The following SDK1 variants were observed in gnomAD, a reference collection of about 807,000 sequenced individuals.
SDK1 encodes the protein sidekick cell adhesion molecule 1, also known as protein sidekick-1.
SDK1 carries 157 observed loss-of-function variants against 245.5 expected under a neutral mutation model. The observed-to-expected ratio is 0.64, with a 90% CI of 0.56 to 0.73. SDK1 has a LOEUF of 0.73. Among genes scored for constraint, SDK1 ranks in the 30% least tolerant of loss-of-function variants. The pLI is 0.00. For synonymous variants in SDK1, 1,647 were observed against 1,278.5 expected, an observed-to-expected ratio of 1.29 and a Z score of -6.15; for missense variants, 3,583 against 3,002.3, an observed-to-expected ratio of 1.19 and a Z score of -4.52.
chr7:3,706,225 A>G (rs1784885168), intron 4 of SDK1, among the ~76,000 whole-genome samples: 1 of 151,862 alleles, frequency 6.6e-6, no homozygotes, highest in Admixed American at 6.6e-5. Context: ...CTGTAGTTTT[A>G]TTTTTTGTTG....
intron 1 of SDK1, among the ~76,000 whole-genome samples, chr7:3,604,196 A>G (rs890278900): frequency 2.0e-5 from 3 of 152,214 alleles, no homozygotes; most frequent in African/African-American, 7.2e-5. Context: ...TGTTGGCCTC[A>G]TAAAATGAGT....
intron 4 of SDK1, among the ~76,000 whole-genome samples, chr7:3,777,402 A>G (rs1313056814): frequency 6.6e-6 from 1 of 152,184 alleles, no homozygotes; most frequent in African/African-American, 2.4e-5. Flanking sequence ...ATCCAGTTTG[A>G]TCCTCACCTT....
chr7:3,568,761 G>A (rs1780006874), intron 1 of SDK1, among the ~76,000 whole-genome samples: 1 of 152,198 alleles, frequency 6.6e-6, no homozygotes. Flanking sequence ...ATCCTGAGCT[G>A]ATGTCATCTT....
rs143944530 is a variant in SDK1 at position 3,986,670 on chromosome 7, C to T, written c.1995-516C>T. Among the ~76,000 whole-genome samples, 701 of 152,116 alleles carry T rather than the reference C, an allele frequency of 4.6e-3. 5 individuals carry two copies. Among genetic ancestry groups the T allele is most frequent in the African/African-American group, 0.015 (615 of 41,498 alleles). Reference sequence around the variant, plus strand: ...GGTCAGGAGTTCAAGACCAACCTGGCCAAGATGGTGTGAAACCCCATCTCT... The same window carrying T: ...GGTCAGGAGTTCAAGACCAACCTGGTCAAGATGGTGTGAAACCCCATCTCT... On this transcript the variant is annotated intron_variant, in intron 13 of 44. Transcript: ENST00000404826.
intron 17 of SDK1, among the ~76,000 whole-genome samples, chr7:4,039,283 C>T (rs1034977187): frequency 3.3e-5 from 5 of 149,546 alleles, no homozygotes; most frequent in East Asian, 1.9e-4. Context: ...GCACATGTAC[C>T]GGAAAACTTA....
intron 5 of SDK1, among the ~76,000 whole-genome samples, chr7:3,837,055 C>T (rs555897004): frequency 9.9e-5 from 15 of 152,114 alleles, no homozygotes; most frequent in East Asian, 3.9e-4. Context: ...TTAGAGACAC[C>T]GCATGATCTC....
At chr7:3,442,364 CA>C (rs1273741160) in intron 1 of SDK1, among the ~76,000 whole-genome samples, 1 of 152,194 alleles carries the variant, frequency 6.6e-6, no homozygotes, top group African/African-American at 2.4e-5. Context: ...CCATAGGTGA[CA>C]CCCATGTTGA....
At chr7:4,193,102 TATAA>T (rs1424276928) in intron 35 of SDK1, among the ~76,000 whole-genome samples, 3 of 135,594 alleles carry the variant, frequency 2.2e-5, no homozygotes, top group South Asian at 4.3e-4. Context: ...GTATATATAA[TATAA>T]ATATATTAAA....
intron 1 of SDK1, among the ~76,000 whole-genome samples, chr7:3,494,513 A>C (rs1224766938): frequency 1.3e-5 from 2 of 152,200 alleles, no homozygotes; most frequent in African/African-American, 2.4e-5. Context: ...TTTTCTGAGA[A>C]ATAGATATGG....
intron 30 of SDK1, among the ~76,000 whole-genome samples, chr7:4,151,433 C>G (rs1407486147): frequency 4.6e-5 from 7 of 152,222 alleles, no homozygotes; most frequent in Admixed American, 3.3e-4. Flanking sequence ...GGCACAACAT[C>G]TGGTGAGGTC....
chr7:3,430,715 C>T (rs1779818817), intron 1 of SDK1, among the ~76,000 whole-genome samples: 1 of 152,152 alleles, frequency 6.6e-6, no homozygotes, highest in South Asian at 2.1e-4. Flanking sequence ...GTATCCGTGG[C>T]TTGTTAGGAA....
intron 4 of SDK1, among the ~76,000 whole-genome samples, chr7:3,691,871 A>G (rs767746860): frequency 7.2e-5 from 11 of 152,170 alleles, no homozygotes; most frequent in East Asian, 5.8e-4. Context: ...ATGTGAGGCA[A>G]TGGGGGTGTC....
At chr7:3,534,577 G>A (rs902281704) in intron 1 of SDK1, among the ~76,000 whole-genome samples, 1 of 152,094 alleles carries the variant, frequency 6.6e-6, no homozygotes, top group African/African-American at 2.4e-5. Context: ...ATCCCAACAG[G>A]TGTGAGGTGG....
chr7:3,991,972 A>G (rs1161196363), intron 14 of SDK1, among the ~76,000 whole-genome samples: 1 of 152,232 alleles, frequency 6.6e-6, no homozygotes, highest in African/African-American at 2.4e-5. Context: ...GTGCACTAAA[A>G]TGGAAATTGC....
chr7:3,874,501 G>A (rs942433637), intron 5 of SDK1, among the ~76,000 whole-genome samples: 1 of 152,124 alleles, frequency 6.6e-6, no homozygotes, highest in African/African-American at 2.4e-5. Context: ...TGGGGCCTGA[G>A]GCTGTAGTCC....
In SDK1 at chr7:3,987,237, C is replaced by T; in HGVS notation, c.2046C>T (p.His682=). 1 of 1,614,136 alleles carries T rather than the reference C, an allele frequency of 6.2e-7. No homozygotes were observed. Residue 682 remains histidine (H), a synonymous_variant, in exon 14 of 45, where the codon CAC becomes CAT. Transcript: ENST00000404826. ...QNLLVSPNSS[H]SHAVVLSWVR... ...TCCTGGTCAGCCCTAATTCTTCCCA[C>T]AGCCACGCCGTGGTGCTCTCTTGGG... is the stretch of plus-strand genomic sequence containing the variant.
chr7:4,074,856 T>TACTTTCCCTC (rs1486926440), intron 20 of SDK1, among the ~76,000 whole-genome samples: 6 of 72,332 alleles, frequency 8.3e-5, no homozygotes, highest in South Asian at 5.1e-4. Flanking sequence ...GAGCAAGACT[T>TACTTTCCCTC]TCTCTCTCTC....
In SDK1 at chr7:3,958,956, C is replaced by G; in HGVS notation, c.1176C>G (p.Pro392=). The change falls in exon 8 of 45, where the codon CCC becomes CCG. Residue 392 remains proline, a synonymous_variant. Coordinates refer to ENST00000404826, the MANE Select transcript of SDK1 (RefSeq NM_152744.4). ...AGCCACCATATTTTACTGCTGAGCCCGAGAGTCGGATTTCAGCTGAAGTAG... is the reference window on the plus strand; with the variant it reads ...AGCCACCATATTTTACTGCTGAGCCGGAGAGTCGGATTTCAGCTGAAGTAG... ...IIEPPYFTAE[P]ESRISAEVEE... is the part of the protein sequence containing the mutation. 6.2e-7 allele frequency: 1 copy of G among 1,613,772 alleles called. No individual in the cohort carries two copies. Among genetic ancestry groups the G allele is most frequent in the Non-Finnish European group, 8.5e-7 (1 of 1,179,908 alleles).
At chr7:3,565,161 G>A (rs1037715295) in intron 1 of SDK1, among the ~76,000 whole-genome samples, 5 of 151,684 alleles carry the variant, frequency 3.3e-5, no homozygotes, top group African/African-American at 7.3e-5. Flanking sequence ...AATATAGCTG[G>A]GCCCAGCAAA....
Sources: gnomAD v4.1 joint callset for allele counts (sites outside exome capture counted in the v4.1 genomes callset) on GRCh38, gnomAD v4.1.1 for gene constraint, MANE v1.5 for transcripts, NCBI Gene and HGNC (gene_info 2026-07-23, HGNC 2026-07-21) for gene names.